The following CWC27 variants were observed in gnomAD, a reference collection of about 807,000 sequenced individuals.
CWC27 encodes CWC27 spliceosome associated cyclophilin, also known as spliceosome-associated protein CWC27 homolog.
In CWC27, 47 loss-of-function variants were observed where a neutral mutation model predicts 63.6. The ratio of observed to expected loss-of-function variants is 0.74; its 90% CI spans 0.58 to 0.94. The LOEUF is 0.94. Ranked by LOEUF, CWC27 falls within the 40% of genes least tolerant of loss-of-function variation. The probability of loss-of-function intolerance (pLI) is 0.00; values close to 1 mark genes in which losing one functional copy is unlikely to be tolerated. For synonymous variants in CWC27, 175 were observed against 179.8 expected, an observed-to-expected ratio of 0.97 and a Z score of 0.22; for missense variants, 495 against 554.3, an observed-to-expected ratio of 0.89 and a Z score of 1.07.
chr5:64,882,313 A>T (rs532286843), intron 10 of CWC27, among the ~76,000 whole-genome samples: 1 of 152,332 alleles, frequency 6.6e-6, no homozygotes, highest in Admixed American at 6.5e-5. Flanking sequence ...AGAAGGAACA[A>T]ATTTGGGCAA....
intron 10 of CWC27, chr5:64,884,055 T>G (rs1747008429): frequency 6.6e-6 from 1 of 152,082 alleles, no homozygotes; most frequent in Non-Finnish European, 1.5e-5. Context: ...AACATGTTGC[T>G]AGCAAGTTCT....
At chr5:64,788,367 A>T (rs900269626) in intron 6 of CWC27, among the ~76,000 whole-genome samples, 13 of 151,256 alleles carry the variant, frequency 8.6e-5, no homozygotes, top group African/African-American at 2.9e-4. Context: ...TTTCTATTTG[A>T]GAGACAGTTT....
intron 10 of CWC27, among the ~76,000 whole-genome samples, chr5:64,882,941 G>T (rs890566245): frequency 6.6e-6 from 1 of 152,160 alleles, no homozygotes; most frequent in African/African-American, 2.4e-5. Flanking sequence ...AAAATTGTAT[G>T]TGTATTAGTC....
intron 13 of CWC27, among the ~76,000 whole-genome samples, chr5:65,008,765 A>G (rs1159470601): frequency 1.3e-5 from 2 of 152,234 alleles, no homozygotes; most frequent in African/African-American, 4.8e-5. Context: ...AGTTATAAAA[A>G]TAAAATAACA....
chr5:64,904,224 A>G (rs1363460615), intron 11 of CWC27, among the ~76,000 whole-genome samples: 1 of 152,208 alleles, frequency 6.6e-6, no homozygotes, highest in Non-Finnish European at 1.5e-5. Flanking sequence ...TCAGCACCCC[A>G]CACCTGGATA....
chr5:64,861,964 T>A (rs1746423159), intron 10 of CWC27, among the ~76,000 whole-genome samples: 1 of 152,228 alleles, frequency 6.6e-6, no homozygotes, highest in South Asian at 2.1e-4. Flanking sequence ...ATTTATCCTG[T>A]GCATCTTGGT....
intron 10 of CWC27, among the ~76,000 whole-genome samples, chr5:64,873,713 T>G (rs1746730022): frequency 6.6e-6 from 1 of 152,220 alleles, no homozygotes; most frequent in Non-Finnish European, 1.5e-5. Flanking sequence ...TTGTTTTAGT[T>G]GTTCTGTGCT....
chr5:64,772,172 A>T (rs1179743385), intron 1 of CWC27, among the ~76,000 whole-genome samples: 1 of 152,156 alleles, frequency 6.6e-6, no homozygotes. Context: ...GAGCCTGTGG[A>T]GGGAGGGATG....
chr5:64,824,183 A>G (rs1367515120), intron 10 of CWC27, among the ~76,000 whole-genome samples: 1 of 152,170 alleles, frequency 6.6e-6, no homozygotes, highest in Non-Finnish European at 1.5e-5. Flanking sequence ...TTTTCCATCT[A>G]TGTGTTTTTT....
chr5:64,931,423 A>T (rs774395061), intron 11 of CWC27, among the ~76,000 whole-genome samples: 3 of 151,932 alleles, frequency 2.0e-5, no homozygotes, highest in Non-Finnish European at 2.9e-5. Context: ...CAAAATAGAA[A>T]TATTAAAATT....
chr5:64,974,257 G>T (rs1166450800), intron 12 of CWC27, among the ~76,000 whole-genome samples: 1 of 151,536 alleles, frequency 6.6e-6, no homozygotes, highest in African/African-American at 2.4e-5. Context: ...AAAATGATAG[G>T]GTTTACTTTT....
intron 13 of CWC27, among the ~76,000 whole-genome samples, chr5:64,999,944 G>A (rs1423944226): frequency 6.6e-5 from 10 of 151,834 alleles, no homozygotes; most frequent in East Asian, 1.9e-4. Flanking sequence ...ACTAATTTAC[G>A]TTCACACCAA....
At chr5:64,999,281 A>C (rs1749690354) in intron 13 of CWC27, among the ~76,000 whole-genome samples, 1 of 152,114 alleles carries the variant, frequency 6.6e-6, no homozygotes, top group African/African-American at 2.4e-5. Context: ...TGTGGTGTAC[A>C]TGTGATATTT....
At chr5:65,018,085 T>C in intron 13 of CWC27, 74 bp from the exon 14 acceptor site, 1 of 1,289,382 alleles carries the variant, frequency 7.8e-7, no homozygotes. Flanking sequence ...ATTATGTCGA[T>C]GATAGTAGAG....
At chr5:64,861,742 A>G (rs372897533) in intron 10 of CWC27, among the ~76,000 whole-genome samples, 4 of 152,194 alleles carry the variant, frequency 2.6e-5, no homozygotes, top group East Asian at 3.8e-4. Context: ...ATGTGCTTCC[A>G]TTAACAGCAA....
Position 64,943,100 on chromosome 5 carries a change from ACTG to A in CWC27, c.1043-28602_1043-28600del, listed in dbSNP as rs1370234138. Among the ~76,000 whole-genome samples, 616 of 152,288 alleles carry A rather than the reference ACTG, an allele frequency of 4.0e-3. 9 individuals carry two copies. Among genetic ancestry groups the A allele is most frequent in the South Asian group, 7.5e-3 (36 of 4,832 alleles). On this transcript the variant is annotated intron_variant, in intron 11 of 13. Transcript: ENST00000381070. Reference sequence around the variant, plus strand: ...GCATCAGGTATGCTTTTCAATAAAAACTGGTGATAGCAGTGGTAAAATGTTTCA... The same window carrying A: ...GCATCAGGTATGCTTTTCAATAAAAAGTGATAGCAGTGGTAAAATGTTTCA...
intron 11 of CWC27, among the ~76,000 whole-genome samples, chr5:64,917,118 AACTG>A (rs1055980484): frequency 3.3e-5 from 5 of 152,100 alleles, no homozygotes; most frequent in African/African-American, 1.2e-4. Context: ...TCCTCTACAA[AACTG>A]ACTGTGTTCT....
chr5:64,907,290 T>C (rs1044435298), intron 11 of CWC27, among the ~76,000 whole-genome samples: 2 of 152,260 alleles, frequency 1.3e-5, no homozygotes, highest in African/African-American at 4.8e-5. Context: ...TGATTCTTCC[T>C]ATTCATGAGC....
intron 10 of CWC27, among the ~76,000 whole-genome samples, chr5:64,811,130 T>C (rs1744866082): frequency 6.6e-6 from 1 of 152,098 alleles, no homozygotes; most frequent in Admixed American, 6.6e-5. Flanking sequence ...GTAAGTCTAA[T>C]ATCCAGCCAA....
Sources: gnomAD v4.1 joint callset for allele counts (sites outside exome capture counted in the v4.1 genomes callset) on GRCh38, gnomAD v4.1.1 for gene constraint, MANE v1.5 for transcripts, NCBI Gene and HGNC (gene_info 2026-07-23, HGNC 2026-07-21) for gene names.